Variants in CXXC4 observed in about 807,000 individuals in gnomAD.
CXXC4 encodes the protein CXXC finger protein 4, also known as CXXC-type zinc finger protein 4.
A neutral mutation model predicts 20.5 loss-of-function variants in CXXC4; 5 were observed. The observed-to-expected ratio is 0.24, with a 90% CI of 0.13 to 0.51. The LOEUF is 0.51. Ranked by LOEUF, CXXC4 falls within the 20% of genes least tolerant of loss-of-function variation. The pLI, the probability that CXXC4 is intolerant of heterozygous loss-of-function variation, is 0.97. For missense variants in CXXC4, 419 were observed against 496.4 expected (o/e 0.84, Z 1.48); for synonymous variants, 250 against 216.4 (o/e 1.16, Z -1.36).
chr4:104,491,440 G>GCCGCCGCCGCCACCC lies in CXXC4; in HGVS notation c.348_362dup (p.Gly130_Gly134dup). On this transcript the variant is annotated inframe_insertion, in exon 2 of 3. Transcript: ENST00000394767. ...CCCCGCCCCCGCCTCCGCCGCCGCCGCCGCCGCCGCCACCCCCCCCGCCGC... is the reference window on the plus strand; with the variant it reads ...CCCCGCCCCCGCCTCCGCCGCCGCCGCCGCCGCCGCCACCCCCGCCGCCGCCACCCCCCCCGCCGC... The GCCGCCGCCGCCACCC allele has an allele frequency of 1.0e-6, 1 of 988,760 alleles. No homozygotes were observed. The highest frequency in any genetic ancestry group is 1.3e-6 in the Non-Finnish European group (1 of 798,940). The allele number at this position is 988,760 out of a possible 1,614,324, so 61.2% of individuals were successfully genotyped here.
At chr4:104,485,854 CTT>C in intron 2 of CXXC4, among the ~76,000 whole-genome samples, 1 of 152,120 alleles carries the variant, frequency 6.6e-6, no homozygotes, top group East Asian at 1.9e-4. Context: ...CTATGCAAAA[CTT>C]AACTATTAAT....
At position 104,490,994 on chromosome 4, in the gene CXXC4, C is replaced by G. The variant is rs779417770; in HGVS notation, c.809G>C (p.Ser270Thr). ...TGCCAGATTGGCAATTTGAAACGCA[C>G]TGTCTGTGACGGCTGCTGAGGCTGC... ...PAAASAAVTDSAFQIANLADC... is the reference protein window; with the variant it reads ...PAAASAAVTDTAFQIANLADC... The change falls in exon 2 of 3, where the codon AGT becomes ACT. Residue 270 changes from serine to threonine, a missense_variant. This residue lies in a region of CXXC4 where 388 missense variants were observed against 416.0 expected (regional missense o/e 0.93). Transcript: ENST00000394767. 2 of 1,613,966 alleles carry G rather than the reference C, an allele frequency of 1.2e-6. No individual in the cohort carries two copies. The highest frequency in any genetic ancestry group is 1.3e-5 in the African/African-American group (1 of 74,896).
Position 104,491,804 on chromosome 4 carries a change from G to A in CXXC4, c.-2C>T, listed in dbSNP as rs2110281117. The stretch of plus-strand genomic sequence containing the variant: ...CTCCACGCAGACATTGGTGTTCATG[G>A]TGCAGGGGGGGAAGAAGGGGTGCAG... On this transcript the variant is annotated 5_prime_UTR_variant, in exon 2 of 3. Coordinates refer to ENST00000394767, the MANE Select transcript of CXXC4 (RefSeq NM_025212.4). 2 of 1,453,338 alleles carry A rather than the reference G, an allele frequency of 1.4e-6. No homozygotes were observed. Among genetic ancestry groups the A allele is most frequent in the East Asian group, 2.9e-5 (1 of 34,134 alleles). The allele number at this position is 1,453,338 out of a possible 1,614,324, so 90.0% of individuals were successfully genotyped here.
intron 2 of CXXC4, among the ~76,000 whole-genome samples, chr4:104,487,050 G>GA (rs1331710384): frequency 2.0e-5 from 3 of 152,084 alleles, no homozygotes; most frequent in African/African-American, 7.2e-5. Flanking sequence ...CTAACTTGTG[G>GA]AAAAATTACT....
chr4:104,489,062 T>C (rs895325273), intron 2 of CXXC4, among the ~76,000 whole-genome samples: 2 of 152,148 alleles, frequency 1.3e-5, no homozygotes, highest in African/African-American at 4.8e-5. Context: ...AATAAATTAA[T>C]CCGGCAAAGA....
Position 104,468,368 on chromosome 4 carries a change from G to A in CXXC4, c.*3954C>T, listed in dbSNP as rs977628703. Reference sequence around the variant, plus strand: ...AAATTTCACAAAAACAACTTTACTGGGCAAATTGAATGTGATTTTTTTTAC... The same window carrying A: ...AAATTTCACAAAAACAACTTTACTGAGCAAATTGAATGTGATTTTTTTTAC... On this transcript the variant is annotated 3_prime_UTR_variant, in exon 3 of 3. Coordinates refer to ENST00000394767, the MANE Select transcript of CXXC4 (RefSeq NM_025212.4). 6.8e-6 allele frequency: 1 copy of A among 148,120 alleles called. No individual in the cohort carries two copies. The highest frequency in any genetic ancestry group is 2.5e-5 in the African/African-American group (1 of 39,902). The allele number at this position is 148,120 out of a possible 1,614,324, so 9.2% of individuals were successfully genotyped here. A position where few individuals can be genotyped will look rare whatever the true frequency, so the allele number is the denominator to read the frequency against.
chr4:104,490,663 G>T (rs1578323043), intron 2 of CXXC4, 81 bp downstream of exon 2: 1 of 1,275,046 alleles, frequency 7.8e-7, no homozygotes, highest in African/African-American at 1.5e-5. Context: ...GCATCTTGAA[G>T]CCAGACAAGA....
At chr4:104,480,536 A>C (rs892675761) in intron 2 of CXXC4, among the ~76,000 whole-genome samples, 1 of 152,084 alleles carries the variant, frequency 6.6e-6, no homozygotes, top group South Asian at 2.1e-4. Flanking sequence ...TTGCAGACTT[A>C]AGAATTACTT....
At position 104,482,798 on chromosome 4, in the gene CXXC4, T is replaced by C. The variant is rs1254601722; in HGVS notation, c.1059+7946A>G. Among the ~76,000 whole-genome samples, 7 of 152,218 alleles carry C rather than the reference T, an allele frequency of 4.6e-5. 1 individual carries two copies. The highest frequency in any genetic ancestry group is 1.2e-4 in the African/African-American group (5 of 41,582). ...TAGACAGAAATGTCCAAATTTTTCC[T>C]AATCTACAAACATATATCCCTTTCT... On this transcript the variant is annotated intron_variant, in intron 2 of 2. Coordinates refer to ENST00000394767, the MANE Select transcript of CXXC4 (RefSeq NM_025212.4).
intron 2 of CXXC4, among the ~76,000 whole-genome samples, chr4:104,476,444 ACT>A (rs1213009733): frequency 6.6e-6 from 1 of 152,138 alleles, no homozygotes; most frequent in African/African-American, 2.4e-5. Context: ...GGCATCTCTA[ACT>A]CTGTACATAT....
rs1736196631 is a variant in CXXC4, at chr4:104,469,106, T to C, written c.*3216A>G. On this transcript the variant is annotated 3_prime_UTR_variant, in exon 3 of 3. Coordinates refer to ENST00000394767, the MANE Select transcript of CXXC4 (RefSeq NM_025212.4). The stretch of plus-strand genomic sequence containing the variant: ...ACTCCTACAGTGGGGGAAGACTTCC[T>C]ATTTTCTTTCCCAAGGATGGATACA... 1 of 152,080 alleles carries C rather than the reference T, an allele frequency of 6.6e-6. No homozygotes were observed. The highest frequency in any genetic ancestry group is 2.4e-5 in the African/African-American group (1 of 41,448). 9.4% of individuals were successfully genotyped at this position (152,080 alleles called of 1,614,324 possible).
chr4:104,492,746 A>G (rs1736929134), intron 1 of CXXC4, among the ~76,000 whole-genome samples: 1 of 151,892 alleles, frequency 6.6e-6, no homozygotes, highest in African/African-American at 2.4e-5. Context: ...TCTTAATTCA[A>G]TGGACCAAGG....
chr4:104,472,280 C>A lies in CXXC4; in HGVS notation c.*42G>T. The A allele has an allele frequency of 7.3e-7, 1 of 1,362,592 alleles. No homozygotes were observed. Among genetic ancestry groups the A allele is most frequent in the Non-Finnish European group, 1.0e-6 (1 of 975,048 alleles). The allele number at this position is 1,362,592 out of a possible 1,614,324, so 84.4% of individuals were successfully genotyped here. A position where few individuals can be genotyped will look rare whatever the true frequency, so the allele number is the denominator to read the frequency against. The stretch of plus-strand genomic sequence containing the variant: ...TTCTTAAAACAAGACATTAGTTTGC[C>A]CTTCATTTCCAAATGCCTTGAAAAT... On this transcript the variant is annotated 3_prime_UTR_variant, in exon 3 of 3. Transcript: ENST00000394767.
At chr4:104,486,138 T>G (rs1736686820) in intron 2 of CXXC4, among the ~76,000 whole-genome samples, 1 of 152,120 alleles carries the variant, frequency 6.6e-6, no homozygotes, top group South Asian at 2.1e-4. Context: ...AATTGCCATC[T>G]AAAACATGGC....
chr4:104,480,125 A>G (rs1736515992), intron 2 of CXXC4, among the ~76,000 whole-genome samples: 1 of 152,104 alleles, frequency 6.6e-6, no homozygotes, highest in Admixed American at 6.6e-5. Flanking sequence ...ATTCTCAAGT[A>G]TTTAGATTCT....
At chr4:104,487,347 C>T (rs1736726022) in intron 2 of CXXC4, among the ~76,000 whole-genome samples, 1 of 152,132 alleles carries the variant, frequency 6.6e-6, no homozygotes, top group Admixed American at 6.5e-5. Context: ...GTCTCTAATG[C>T]TGTCCCACAG....
At chr4:104,485,962 T>G (rs979399580) in intron 2 of CXXC4, among the ~76,000 whole-genome samples, 2 of 152,134 alleles carry the variant, frequency 1.3e-5, no homozygotes, top group Non-Finnish European at 2.9e-5. Flanking sequence ...CTTTTATTTC[T>G]TTCATCACTA....
At position 104,472,261 on chromosome 4, in the gene CXXC4, A is replaced by G; in HGVS notation, c.*61T>C. 8.8e-7 allele frequency: 1 copy of G among 1,136,932 alleles called. No homozygotes were observed. Among genetic ancestry groups the G allele is most frequent in the Non-Finnish European group, 1.3e-6 (1 of 780,176 alleles). 70.4% of individuals were successfully genotyped at this position (1,136,932 alleles called of 1,614,324 possible). A position where few individuals can be genotyped will look rare whatever the true frequency, so the allele number is the denominator to read the frequency against. The stretch of plus-strand genomic sequence containing the variant: ...CAGTGGTGGACTAAGCAGTTTCTTA[A>G]AACAAGACATTAGTTTGCCCTTCAT... On this transcript the variant is annotated 3_prime_UTR_variant, in exon 3 of 3. Coordinates refer to ENST00000394767, the MANE Select transcript of CXXC4 (RefSeq NM_025212.4).
At chr4:104,472,750 A>G (rs1325406248) in intron 2 of CXXC4, among the ~76,000 whole-genome samples, 1 of 151,998 alleles carries the variant, frequency 6.6e-6, no homozygotes, top group Non-Finnish European at 1.5e-5. Flanking sequence ...TGAGTGGATC[A>G]TCTTACCGTC....
Sources: gnomAD v4.1 joint callset for allele counts (sites outside exome capture counted in the v4.1 genomes callset) on GRCh38, gnomAD v4.1.1 for gene constraint, gnomAD v4.1.1 regional missense constraint, MANE v1.5 for transcripts, NCBI Gene and HGNC (gene_info 2026-07-23, HGNC 2026-07-21) for gene names.